TRPM5: variants seen among roughly 807,000 people sequenced by gnomAD.
The protein encoded by TRPM5 is transient receptor potential cation channel subfamily M member 5.
TRPM5 carries 121 observed loss-of-function variants against 124.9 expected under a neutral mutation model. The ratio of observed to expected loss-of-function variants is 0.97; its 90% CI spans 0.84 to 1.13. The LOEUF (loss-of-function observed/expected upper bound fraction) is 1.13, where lower values mean the gene tolerates loss of function less well. Ranked by LOEUF, TRPM5 falls within the 50% of genes most tolerant of loss-of-function variation. The pLI is 0.00. For missense variants in TRPM5, 1,643 were observed against 1,589.1 expected, an observed-to-expected ratio of 1.03 and a Z score of -0.58; for synonymous variants, 781 against 700.5, an observed-to-expected ratio of 1.11 and a Z score of -1.81.
exon 8 of TRPM5, chr11:2,416,001 G>A (rs937732667): frequency 1.3e-6 from 2 of 1,591,816 alleles, no homozygotes; most frequent in African/African-American, 1.3e-5. Flanking sequence ...TAGTCCTGAG[G>A]CTCCTGGCTG....
chr11:2,427,590 C>T (rs537582040), upstream of TRPM5, among the ~76,000 whole-genome samples: 12 of 152,362 alleles, frequency 7.9e-5, no homozygotes, highest in South Asian at 1.7e-3. Flanking sequence ...AAGGGCTGGC[C>T]GTCCTCAGGT....
the TRPM5 span, among the ~76,000 whole-genome samples, chr11:2,435,610 T>C: frequency 2.6e-5 from 4 of 151,020 alleles, no homozygotes; most frequent in Non-Finnish European, 5.9e-5. The surrounding 1 kb of genome is among the most constrained non-coding windows in gnomAD (Gnocchi z 4.1). Context: ...CATCCATCCA[T>C]CCATCCATCC....
chr11:2,405,341 G>A (rs1479773284), intron 23 of TRPM5, among the ~76,000 whole-genome samples, 186 bp downstream of exon 28: 1 of 152,218 alleles, frequency 6.6e-6, no homozygotes, highest in Non-Finnish European at 1.5e-5. Flanking sequence ...ATTCGGCCCT[G>A]GCCAAGGCAG....
At position 2,421,066 on chromosome 11, in the gene TRPM5, CG is replaced by C. The variant is rs921907076; in HGVS notation, c.430del (p.Arg144AlafsTer54). On this transcript the variant is annotated frameshift_variant, in exon 3 of 24. Coordinates refer to ENST00000155858, the Ensembl canonical transcript of TRPM5. LOFTEE classifies it high-confidence loss of function. Reference sequence around the variant, plus strand: ...CTCCAGAATGCGGCGGTGCAGGACGCGGCCCAGCGAGGCCATGCCGACAGCA... The same window carrying C: ...CTCCAGAATGCGGCGGTGCAGGACGCGCCCAGCGAGGCCATGCCGACAGCA... The C allele has an allele frequency of 4.0e-5, 62 of 1,548,586 alleles. No homozygotes were observed. The highest frequency in any genetic ancestry group is 5.3e-5 in the Non-Finnish European group (61 of 1,149,218).
the TRPM5 span, among the ~76,000 whole-genome samples, chr11:2,439,122 C>T: frequency 6.6e-6 from 1 of 152,196 alleles, no homozygotes. Flanking sequence ...GCTGGCTTGC[C>T]ATATGCAGAA....
chr11:2,405,653 G>A (rs1160178623), intron 22 of TRPM5, 60 bp from the exon 28 acceptor site: 6 of 1,522,798 alleles, frequency 3.9e-6, no homozygotes, highest in Non-Finnish European at 5.3e-6. Context: ...CAGGGGACAG[G>A]CAGCCTCCCC....
chr11:2,405,573 G>A (rs138483278), exon 23 of TRPM5: 463 of 1,564,798 alleles, frequency 3.0e-4, no homozygotes, highest in Non-Finnish European at 3.7e-4. Flanking sequence ...CGGAGGACAC[G>A]AGCACCGAGC....
In TRPM5 at chr11:2,415,207, C is replaced by T. The variant is rs1401955952; in HGVS notation, c.1393G>A (p.Glu465Lys). The T allele has an allele frequency of 6.3e-6, 10 of 1,582,154 alleles. No homozygotes were observed. The highest frequency in any genetic ancestry group is 1.3e-5 in the African/African-American group (1 of 74,308). Residue 465 changes from glutamate to lysine, a missense_variant, in exon 9 of 24, where the codon GAG becomes AAG. Coordinates refer to ENST00000155858, the Ensembl canonical transcript of TRPM5. ...AAGTCCTTGAGTACGCGGGAGACCT[C>T]GTGCAGGGAGAAGGCCGGTGGCCCC...
chr11:2,407,902 C>G, exon 19 of TRPM5: 1 of 1,613,530 alleles, frequency 6.2e-7, no homozygotes, highest in Non-Finnish European at 8.5e-7. Flanking sequence ...TGGAGCAGTT[C>G]ACACGGGCTT....
exon 9 of TRPM5, chr11:2,415,144 G>T (rs374459572): frequency 3.2e-6 from 5 of 1,570,778 alleles, no homozygotes; most frequent in East Asian, 4.7e-5. Flanking sequence ...TCCCCTGGCC[G>T]GCCGTCCTGG....
At chr11:2,436,759 C>T in the TRPM5 span, among the ~76,000 whole-genome samples, 19 of 152,344 alleles carry the variant, frequency 1.2e-4, no homozygotes, top group South Asian at 6.2e-4. Flanking sequence ...GAGCAGTCTC[C>T]GGAAGTGATT....
chr11:2,412,367 C>A, intron 15 of TRPM5, 114 bp from the exon 21 acceptor site: 2 of 824,808 alleles, frequency 2.4e-6, no homozygotes, highest in Non-Finnish European at 2.0e-6. Flanking sequence ...TGACCAGGGC[C>A]GAGGCTACCA....
At chr11:2,427,482 C>T (rs1422986390), upstream of TRPM5, among the ~76,000 whole-genome samples, 1 of 152,204 alleles carries the variant, frequency 6.6e-6, no homozygotes, top group Non-Finnish European at 1.5e-5. Context: ...CCAATGCCAG[C>T]CCTAGGGAGC....
chr11:2,430,745 G>GGTGTTGATGGTGGTGGTGGTT, the TRPM5 span, among the ~76,000 whole-genome samples: 9 of 135,040 alleles, frequency 6.7e-5, no homozygotes, highest in South Asian at 1.4e-3. Context: ...TGGTGATGGT[G>GGTGTTGATGGTGGTGGTGGTT]TTGGTGGTGG....
chr11:2,440,186 ATGG>A, the TRPM5 span, among the ~76,000 whole-genome samples: 8 of 152,304 alleles, frequency 5.3e-5, no homozygotes, highest in African/African-American at 1.9e-4. This position sits in a 1 kb window ranked among gnomAD's most constrained non-coding sequence, Gnocchi z 5.2. Flanking sequence ...GGACTGGTAG[ATGG>A]TGGGGGAGCA....
chr11:2,409,665 A>G (rs528762439), intron 18 of TRPM5, among the ~76,000 whole-genome samples: 80 of 152,308 alleles, frequency 5.3e-4, no homozygotes, highest in African/African-American at 1.9e-3. Context: ...GCTGGGTCAC[A>G]GTGAGTGGCT....
chr11:2,411,323 G>T (rs368760275), intron 18 of TRPM5, 29 bp downstream of exon 23: 7 of 1,530,306 alleles, frequency 4.6e-6, no homozygotes, highest in African/African-American at 2.7e-5. Flanking sequence ...ATTTCTCCCT[G>T]CCCCTGCCCC....
chr11:2,405,668 C>T, intron 22 of TRPM5, 75 bp from the exon 28 acceptor site: 4 of 1,476,978 alleles, frequency 2.7e-6, no homozygotes, highest in Non-Finnish European at 3.7e-6. Context: ...CTCCCCATCT[C>T]CCCTCTCCTG....
chr11:2,441,984 C>A, the TRPM5 span, among the ~76,000 whole-genome samples: 1 of 152,140 alleles, frequency 6.6e-6, no homozygotes, highest in South Asian at 2.1e-4. The surrounding 1 kb of genome is among the most constrained non-coding windows in gnomAD (Gnocchi z 7.2). Context: ...CCACTGCATC[C>A]GGCCTAGAAT....
Sources: gnomAD v4.1 joint callset for allele counts (sites outside exome capture counted in the v4.1 genomes callset) on GRCh38, gnomAD v4.1.1 for gene constraint, Gnocchi (gnomAD v3.1) non-coding constraint, MANE v1.5 for transcripts, NCBI Gene and HGNC (gene_info 2026-07-23, HGNC 2026-07-21) for gene names.